Variants in MAP3K13 observed in about 807,000 individuals in gnomAD.
MAP3K13 encodes the protein mitogen-activated protein kinase kinase kinase 13, also known as leucine zipper-bearing kinase.
A neutral mutation model predicts 104.0 loss-of-function variants in MAP3K13; 52 were observed. That is an observed-to-expected ratio of 0.50 (90% CI 0.40 to 0.63). The LOEUF is 0.63. MAP3K13 is among the 20% of genes least tolerant of loss of function. The pLI is 0.00. For missense variants in MAP3K13, 914 were observed against 1,218.5 expected (o/e 0.75, Z 3.72); for synonymous variants, 394 against 442.2 (o/e 0.89, Z 1.37).
At chr3:185,456,015 A>G (rs1420981533) in intron 7 of MAP3K13, among the ~76,000 whole-genome samples, 1 of 148,180 alleles carries the variant, frequency 6.7e-6, no homozygotes, top group African/African-American at 2.5e-5. Context: ...AGATATATAT[A>G]TATATGAGAT....
Position 185,323,585 on chromosome 3 carries a change from G to A in MAP3K13, c.-86+37942G>A, listed in dbSNP as rs140850007. 2.1e-3 allele frequency among the ~76,000 whole-genome samples: 323 copies of A among 152,116 alleles called. 2 individuals are homozygous for A. Among genetic ancestry groups the A allele is most frequent in the African/African-American group, 7.0e-3 (292 of 41,494 alleles). On this transcript the variant is annotated intron_variant, in intron 2 of 14. Coordinates refer to the MAP3K13 transcript ENST00000424227. ...CGACCTCAGGTGATCTGCCCGCCTC[G>A]GCCTCCCAAAGTGCTGGGATTCCAG... is the stretch of plus-strand genomic sequence containing the variant.
chr3:185,438,047 C>T (rs1715138365), intron 3 of MAP3K13, among the ~76,000 whole-genome samples: 1 of 152,176 alleles, frequency 6.6e-6, no homozygotes, highest in Non-Finnish European at 1.5e-5. Flanking sequence ...AATCCCAGCA[C>T]TTTGGGAGGC....
chr3:185,291,727 G>C (rs1463289143), intron 2 of MAP3K13: 1 of 1,508,418 alleles, frequency 6.6e-7, no homozygotes, highest in Non-Finnish European at 8.8e-7. Context: ...AGTCTCATCT[G>C]CATTAAAGCT....
upstream of MAP3K13, chr3:185,363,081 C>G (rs193176039): frequency 2.1e-5 from 21 of 985,172 alleles, no homozygotes; most frequent in Admixed American, 1.2e-3. Flanking sequence ...AAGGCCATGT[C>G]TGCCTGAAGC....
intron 2 of MAP3K13, among the ~76,000 whole-genome samples, chr3:185,347,362 G>T (rs1296261795): frequency 6.6e-6 from 1 of 152,088 alleles, no homozygotes; most frequent in East Asian, 1.9e-4. Context: ...GCTTTACAAA[G>T]CCATTTAATA....
At chr3:185,344,332 A>G (rs892155379) in intron 2 of MAP3K13, among the ~76,000 whole-genome samples, 3 of 152,226 alleles carry the variant, frequency 2.0e-5, no homozygotes, top group Admixed American at 6.5e-5. Flanking sequence ...GGACGGGCTT[A>G]TAGGCAAAGG....
At chr3:185,374,432 T>C (rs148676611) in intron 1 of MAP3K13, among the ~76,000 whole-genome samples, 12 of 152,070 alleles carry the variant, frequency 7.9e-5, no homozygotes, top group African/African-American at 2.9e-4. Flanking sequence ...TAAGGGGTGA[T>C]ATTGTGGGGT....
At chr3:185,290,325 T>A (rs556850638) in intron 2 of MAP3K13, among the ~76,000 whole-genome samples, 1 of 152,184 alleles carries the variant, frequency 6.6e-6, no homozygotes, top group African/African-American at 2.4e-5. Flanking sequence ...GTTGTCAGAA[T>A]CCTTTATCAC....
In MAP3K13 at chr3:185,428,621, C is replaced by T; in HGVS notation, c.40C>T (p.Pro14Ser). The T allele has an allele frequency of 1.2e-6, 2 of 1,611,310 alleles. No homozygotes were observed. Among genetic ancestry groups the T allele is most frequent in the East Asian group, 4.5e-5 (2 of 44,832 alleles). Residue 14 changes from proline to serine, a missense_variant, in exon 2 of 14, where the codon CCA becomes TCA. Pro to Ser is a moderately conservative substitution (Grantham distance 74). Around this residue, in one of 3 missense-constraint regions of MAP3K13, gnomAD observed 156 missense variants for 159.8 expected, o/e 0.98. Coordinates refer to ENST00000265026, the MANE Select transcript of MAP3K13 (RefSeq NM_004721.5). Reference protein sequence around the residue: ...FQEHLSCSSSPHLPFSESKTF... With the variant: ...FQEHLSCSSSSHLPFSESKTF... The stretch of plus-strand genomic sequence containing the variant: ...GGAGCACCTGAGCTGCTCCTCTTCT[C>T]CACACTTACCCTTCAGTGAAAGCAA...
intron 7 of MAP3K13, among the ~76,000 whole-genome samples, chr3:185,455,794 T>G (rs1239475421): frequency 8.8e-6 from 1 of 113,810 alleles, no homozygotes; most frequent in Non-Finnish European, 1.8e-5. Flanking sequence ...GAGATATATA[T>G]ATGAGATATA....
intron 5 of MAP3K13, among the ~76,000 whole-genome samples, chr3:185,448,980 G>A (rs1356899023): frequency 1.3e-5 from 2 of 152,074 alleles, no homozygotes; most frequent in Non-Finnish European, 2.9e-5. Context: ...TTCACATTTT[G>A]TTATTTTGCT....
chr3:185,352,930 G>A (rs1331721006), intron 2 of MAP3K13, among the ~76,000 whole-genome samples: 1 of 152,204 alleles, frequency 6.6e-6, no homozygotes, highest in Non-Finnish European at 1.5e-5. Context: ...GCAGGTTGCT[G>A]CTAGTAGCAA....
intron 10 of MAP3K13, among the ~76,000 whole-genome samples, chr3:185,471,891 T>G (rs1251397913): frequency 6.6e-6 from 1 of 152,242 alleles, no homozygotes; most frequent in Non-Finnish European, 1.5e-5. Context: ...ATTTCACTTA[T>G]GCAAAGAGAT....
chr3:185,322,076 G>A (rs1721889792), intron 2 of MAP3K13, among the ~76,000 whole-genome samples: 1 of 152,176 alleles, frequency 6.6e-6, no homozygotes, highest in Admixed American at 6.5e-5. Context: ...GTCAGGATTT[G>A]TCTTTAAAAG....
At chr3:185,440,300 C>T (rs1715254173) in intron 3 of MAP3K13, among the ~76,000 whole-genome samples, 1 of 152,072 alleles carries the variant, frequency 6.6e-6, no homozygotes, top group Admixed American at 6.6e-5. Flanking sequence ...GCTCCTCGTT[C>T]GTCAGTCAAG....
intron 2 of MAP3K13, among the ~76,000 whole-genome samples, chr3:185,435,641 A>G (rs549983978): frequency 3.3e-5 from 5 of 152,340 alleles, no homozygotes; most frequent in African/African-American, 1.2e-4. Context: ...AATACTGCTC[A>G]TATCAGGAGA....
At chr3:185,304,964 G>A (rs534493027) in intron 2 of MAP3K13, among the ~76,000 whole-genome samples, 106 of 152,226 alleles carry the variant, frequency 7.0e-4, no homozygotes, top group African/African-American at 2.5e-3. Flanking sequence ...CATTTGCATG[G>A]AATATCTTTT....
chr3:185,299,148 AG>A (rs1422797607), intron 2 of MAP3K13, among the ~76,000 whole-genome samples: 1 of 152,202 alleles, frequency 6.6e-6, no homozygotes, highest in African/African-American at 2.4e-5. Context: ...ATGCTTCTTG[AG>A]CTCATCAGAG....
intron 2 of MAP3K13, among the ~76,000 whole-genome samples, chr3:185,300,545 G>A (rs1403220237): frequency 1.3e-5 from 2 of 151,012 alleles, no homozygotes; most frequent in Non-Finnish European, 2.9e-5. Flanking sequence ...AGGCTGGAGT[G>A]CAATGGCGCC....
Sources: gnomAD v4.1 joint callset for allele counts (sites outside exome capture counted in the v4.1 genomes callset) on GRCh38, gnomAD v4.1.1 for gene constraint, gnomAD v4.1.1 regional missense constraint, MANE v1.5 for transcripts, NCBI Gene and HGNC (gene_info 2026-07-23, HGNC 2026-07-21) for gene names.